Variants in SCN1A observed in about 807,000 individuals in gnomAD.
The protein encoded by SCN1A is sodium voltage-gated channel alpha subunit 1.
SCN1A carries 13 observed loss-of-function variants against 193.7 expected under a neutral mutation model. The ratio of observed to expected loss-of-function variants is 0.07; its 90% CI spans 0.04 to 0.11. The LOEUF (loss-of-function observed/expected upper bound fraction) is 0.11, where lower values mean the gene tolerates loss of function less well. Ranked by LOEUF, SCN1A falls within the 10% of genes least tolerant of loss-of-function variation. The pLI, the probability that SCN1A is intolerant of heterozygous loss-of-function variation, is 1.00. For synonymous variants in SCN1A, 781 were observed against 843.6 expected, an observed-to-expected ratio of 0.93 and a Z score of 1.29; for missense variants, 1,432 against 2,451.1, an observed-to-expected ratio of 0.58 and a Z score of 8.78.
intron 19 of SCN1A, chr2:166,027,249 G>A (rs762141287): frequency 2.6e-5 from 4 of 152,008 alleles, no homozygotes; most frequent in Non-Finnish European, 4.4e-5. Flanking sequence ...GTTTTCCTCC[G>A]CAGTGGATTT....
At chr2:166,089,133 A>G (rs1686482522) in intron 2 of SCN1A, among the ~76,000 whole-genome samples, 1 of 152,104 alleles carries the variant, frequency 6.6e-6, no homozygotes, top group Non-Finnish European at 1.5e-5. Flanking sequence ...CCTGTCATCT[A>G]CATTGAGTAT....
Position 165,998,066 on chromosome 2 carries a change from A to G in SCN1A, c.4448T>C (p.Ile1483Thr). The change falls in exon 26 of 29, where the codon ATA becomes ACA. Residue 1483 changes from isoleucine (I) to threonine (T), a missense_variant. By Grantham distance (89) the Ile-to-Thr change is moderately conservative (BLOSUM62 -1). Coordinates refer to ENST00000674923, the MANE Select transcript of SCN1A (RefSeq NM_001165963.4). The part of the protein sequence containing the change: ...FTLNLFIGVI[I>T]DNFNQQKKKF... ...CTTTTTCTGCTGGTTGAAATTATCT[A>G]TGATGACACCAATAAACAGGTTCAA... 2 of 1,605,268 alleles carry G rather than the reference A, an allele frequency of 1.2e-6. No homozygotes were observed. The highest frequency in any genetic ancestry group is 1.7e-6 in the Non-Finnish European group (2 of 1,173,522).
At chr2:166,001,577 A>G (rs897191093) in intron 24 of SCN1A, among the ~76,000 whole-genome samples, 1 of 151,152 alleles carries the variant, frequency 6.6e-6, no homozygotes, top group South Asian at 2.1e-4. Context: ...GAAATTGTAC[A>G]GTCTTTTTTT....
At position 166,002,887 on chromosome 2, in the gene SCN1A, A is replaced by G. The variant is rs1308442271; in HGVS notation, c.4003-134T>C. 7.1e-6 allele frequency: 5 copies of G among 706,456 alleles called. No homozygotes were observed. The Admixed American group carries it at 1.4e-4, about 20-fold the overall frequency. 43.8% of individuals were successfully genotyped at this position (706,456 alleles called of 1,614,324 possible). On this transcript the variant is annotated intron_variant, in intron 23 of 28. Coordinates refer to ENST00000674923, the MANE Select transcript of SCN1A (RefSeq NM_001165963.4). ...TATTTATTCTAGGATATGTAAAAGCAAGGTTCAAAAAAATCTTAAAATTCA... is the reference window on the plus strand; with the variant it reads ...TATTTATTCTAGGATATGTAAAAGCGAGGTTCAAAAAAATCTTAAAATTCA...
At chr2:166,079,343 T>C (rs554083383) in intron 2 of SCN1A, among the ~76,000 whole-genome samples, 1 of 150,660 alleles carries the variant, frequency 6.6e-6, no homozygotes, top group Admixed American at 6.7e-5. Flanking sequence ...CTTCCTTAAA[T>C]GGCCCTTGTT....
intron 2 of SCN1A, among the ~76,000 whole-genome samples, chr2:166,083,910 T>C (rs1685802225): frequency 6.6e-6 from 1 of 152,188 alleles, no homozygotes; most frequent in African/African-American, 2.4e-5. Context: ...AATCTTATTG[T>C]GTGGGTGAGT....
intron 3 of SCN1A, among the ~76,000 whole-genome samples, chr2:166,076,064 T>C (rs1471375484): frequency 6.6e-6 from 1 of 151,974 alleles, no homozygotes; most frequent in African/African-American, 2.4e-5. Flanking sequence ...GATTTTTTGA[T>C]GTGTGGTCTT....
At chr2:166,035,295 T>C (rs1696178287) in intron 19 of SCN1A, among the ~76,000 whole-genome samples, 2 of 152,212 alleles carry the variant, frequency 1.3e-5, no homozygotes, top group South Asian at 2.1e-4. Context: ...AATCTGATGA[T>C]GTTTGTCTAT....
At chr2:166,121,382 A>T (rs545528520) in intron 2 of SCN1A, among the ~76,000 whole-genome samples, 58 of 151,722 alleles carry the variant, frequency 3.8e-4, no homozygotes, top group African/African-American at 1.3e-3. Context: ...TAATACTTTA[A>T]TTTTTTTTTA....
chr2:166,144,558 A>G (rs1209435460), intron 1 of SCN1A, among the ~76,000 whole-genome samples: 4 of 150,772 alleles, frequency 2.7e-5, no homozygotes, highest in African/African-American at 9.7e-5. Context: ...GAATAAATGT[A>G]TGATAAGTCA....
chr2:166,042,239 A>G (rs893168844), intron 15 of SCN1A, 53 bp downstream of exon 15: 12 of 1,556,746 alleles, frequency 7.7e-6, no homozygotes, highest in Non-Finnish European at 9.7e-6. Flanking sequence ...TTGAAATGAG[A>G]CAATATAAGT....
chr2:166,078,138 T>C (rs917303260), intron 2 of SCN1A, among the ~76,000 whole-genome samples: 1 of 151,778 alleles, frequency 6.6e-6, no homozygotes, highest in Non-Finnish European at 1.5e-5. Flanking sequence ...AATACCAAGA[T>C]TGAATTATAA....
chr2:166,124,551 A>C (rs945016356), intron 2 of SCN1A, among the ~76,000 whole-genome samples: 2 of 151,818 alleles, frequency 1.3e-5, no homozygotes, highest in African/African-American at 2.4e-5. Flanking sequence ...TGTCTCAAAA[A>C]AACAACAAAC....
At chr2:166,047,936 C>T (rs191618046) in intron 10 of SCN1A, among the ~76,000 whole-genome samples, 168 bp from the exon 11 acceptor site, 140 of 152,214 alleles carry the variant, frequency 9.2e-4, no homozygotes, top group African/African-American at 2.8e-3. Context: ...GTCTTATTAG[C>T]TACTTGGTGT....
At chr2:166,071,895 GAAA>G in intron 4 of SCN1A, 1 of 113,574 alleles carries the variant, frequency 8.8e-6, no homozygotes, top group Non-Finnish European at 2.0e-5. Flanking sequence ...GTCTCAAAAA[GAAA>G]AAAAAAAAAG....
At chr2:166,032,061 A>G (rs1326826778) in intron 19 of SCN1A, among the ~76,000 whole-genome samples, 3 of 152,104 alleles carry the variant, frequency 2.0e-5, no homozygotes, top group African/African-American at 7.2e-5. Context: ...TGCATTGTAG[A>G]TAAGTCATTA....
intron 2 of SCN1A, among the ~76,000 whole-genome samples, chr2:166,102,420 C>A (rs534176752): frequency 6.7e-6 from 1 of 149,500 alleles, no homozygotes; most frequent in East Asian, 2.0e-4. Context: ...GGCGTGAACC[C>A]AGGAGGCGGA....
chr2:166,116,734 T>C (rs1288015911), intron 2 of SCN1A, among the ~76,000 whole-genome samples: 2 of 152,162 alleles, frequency 1.3e-5, no homozygotes, highest in Non-Finnish European at 2.9e-5. Flanking sequence ...AAAAAATTCT[T>C]CTTTATAATG....
chr2:166,045,165 C>T lies in SCN1A; in HGVS notation c.1540G>A (p.Glu514Lys). ...TTTTGGAATTCATCCTCATCTTTCT[C>T]TTCCCCACCAGACTGCTCTTTCTGT... ...RKQKEQSGGE[E>K]KDEDEFQKSE... The change falls in exon 13 of 29, where the codon GAG becomes AAG. Residue 514 changes from glutamate (E) to lysine (K), a missense_variant. Around this residue, in one of 18 missense-constraint regions of SCN1A, gnomAD observed 316 missense variants for 362.1 expected, o/e 0.87. Transcript: ENST00000674923. The T allele has an allele frequency of 6.2e-7, 1 of 1,614,156 alleles. No individual in the cohort carries two copies. The highest frequency in any genetic ancestry group is 8.5e-7 in the Non-Finnish European group (1 of 1,180,034).
Sources: gnomAD v4.1 joint callset for allele counts (sites outside exome capture counted in the v4.1 genomes callset) on GRCh38, gnomAD v4.1.1 for gene constraint, gnomAD v4.1.1 regional missense constraint, MANE v1.5 for transcripts, NCBI Gene and HGNC (gene_info 2026-07-23, HGNC 2026-07-21) for gene names.